The following FRMPD4 variants were observed in gnomAD, a reference collection of about 807,000 sequenced individuals.
FRMPD4 encodes the protein FERM and PDZ domain-containing protein 4.
Under a neutral mutation model 94.1 loss-of-function variants are expected in FRMPD4, and 22 were observed. The ratio of observed to expected loss-of-function variants is 0.23; its 90% confidence interval spans 0.17 to 0.33. FRMPD4 has a LOEUF of 0.33. Among genes scored for constraint, FRMPD4 ranks in the 10% least tolerant of loss-of-function variants. The probability of loss-of-function intolerance (pLI) is 1.00; values close to 1 mark genes in which losing one functional copy is unlikely to be tolerated. For missense variants in FRMPD4, 1,111 were observed against 1,339.9 expected, an observed-to-expected ratio of 0.83 and a Z score of 2.67; for synonymous variants, 631 against 548.6, an observed-to-expected ratio of 1.15 and a Z score of -2.10.
chrX:11,896,843 C>G (rs763064984), intron 3 of FRMPD4, among the ~76,000 whole-genome samples: 1 of 111,254 alleles, frequency 9.0e-6, no homozygotes, highest in African/African-American at 3.3e-5. Flanking sequence ...GTCCACGAAT[C>G]CCCTGGACAT....
chrX:12,325,394 A>G (rs2055270901), intron 1 of FRMPD4, among the ~76,000 whole-genome samples: 1 of 112,678 alleles, frequency 8.9e-6, no homozygotes, highest in African/African-American at 3.2e-5. Flanking sequence ...ATCCAACTGC[A>G]TTATTCAAAT....
At chrX:11,993,578 AAAAC>A (rs2054477697) in intron 3 of FRMPD4, among the ~76,000 whole-genome samples, 1 of 112,228 alleles carries the variant, frequency 8.9e-6, no homozygotes, top group Non-Finnish European at 1.9e-5. Context: ...TACAAAAACA[AAAAC>A]AAAAACAGAA....
chrX:11,898,004 C>T (rs1363997170), intron 3 of FRMPD4, among the ~76,000 whole-genome samples: 1 of 111,301 alleles, frequency 9.0e-6, no homozygotes, highest in Non-Finnish European at 1.9e-5. Flanking sequence ...AGAGGTTTAG[C>T]CCATGCAGAT....
intron 2 of FRMPD4, among the ~76,000 whole-genome samples, chrX:12,499,914 T>C (rs866599838): frequency 3.3e-4 from 37 of 111,981 alleles, no homozygotes; most frequent in African/African-American, 1.2e-3. Context: ...CTGAAACATA[T>C]GGAATTGTTG....
intron 8 of FRMPD4, among the ~76,000 whole-genome samples, chrX:12,692,881 G>C (rs1418629358): frequency 8.9e-6 from 1 of 112,013 alleles, no homozygotes; most frequent in Non-Finnish European, 1.9e-5. Flanking sequence ...AGGCTGGCCA[G>C]CACTAGTGGC....
At chrX:12,298,753 A>G (rs1220269738) in intron 1 of FRMPD4, among the ~76,000 whole-genome samples, 1 of 112,426 alleles carries the variant, frequency 8.9e-6, no homozygotes, top group Non-Finnish European at 1.9e-5. Context: ...GGCAGGGGTT[A>G]GTGTAAAATT....
intron 1 of FRMPD4, among the ~76,000 whole-genome samples, chrX:12,213,875 A>C (rs1341326972): frequency 3.6e-5 from 4 of 112,182 alleles, no homozygotes; most frequent in African/African-American, 9.7e-5. Context: ...TTTATTCTTA[A>C]AATTCTGTCT....
At chrX:12,505,145 C>G (rs1343588767) in intron 2 of FRMPD4, among the ~76,000 whole-genome samples, 2 of 112,027 alleles carry the variant, frequency 1.8e-5, no homozygotes, top group African/African-American at 6.5e-5. Context: ...CCTGGAGGAC[C>G]AGGTTTCCAT....
At chrX:12,153,730 A>G (rs2055895437) in intron 1 of FRMPD4, among the ~76,000 whole-genome samples, 1 of 112,621 alleles carries the variant, frequency 8.9e-6, no homozygotes, top group Non-Finnish European at 1.9e-5. Flanking sequence ...CTGGCCTACA[A>G]GTCATTTCAG....
At chrX:12,520,125 G>A (rs2058145598) in intron 2 of FRMPD4, among the ~76,000 whole-genome samples, 3 of 112,253 alleles carry the variant, frequency 2.7e-5, no homozygotes, top group African/African-American at 9.7e-5. Context: ...ATTCACAATA[G>A]CCAAGAGGTA....
chrX:11,907,715 A>T (rs1018776363), intron 3 of FRMPD4, among the ~76,000 whole-genome samples: 6 of 112,124 alleles, frequency 5.4e-5, no homozygotes, highest in Non-Finnish European at 1.1e-4. Context: ...TGATCACAAC[A>T]TATGAATACT....
At chrX:12,620,991 T>C (rs148680271) in intron 4 of FRMPD4, among the ~76,000 whole-genome samples, 2,258 of 110,717 alleles carry the variant, frequency 0.02, 73 homozygotes, top group African/African-American at 0.071. Context: ...GAGGCCGAGG[T>C]GGGTGGATCA....
rs2055857257 is a variant in FRMPD4 at position 12,354,111 on chromosome X, T to TAACCTAGTA, written c.42-144568_42-144560dup. On this transcript the variant is annotated intron_variant, in intron 1 of 16. Transcript: ENST00000675598. Reference sequence around the variant, plus strand: ...TTCTATCTCAAACCTGCTTAAAACATAACCTAGTACAAATTTACTAGCATC... The same window carrying TAACCTAGTA: ...TTCTATCTCAAACCTGCTTAAAACATAACCTAGTAAACCTAGTACAAATTTACTAGCATC... Among the ~76,000 whole-genome samples the TAACCTAGTA allele has an allele frequency of 2.7e-5, 3 of 112,283 alleles. No individual in the cohort carries two copies. In the Admixed American group the frequency reaches 2.8e-4, roughly 11 times the overall value.
chrX:12,099,128 A>C (rs1347462048), intron 3 of FRMPD4, among the ~76,000 whole-genome samples: 1 of 105,080 alleles, frequency 9.5e-6, no homozygotes, highest in African/African-American at 3.4e-5. Flanking sequence ...CTAGATGACG[A>C]GTTAGTGGGT....
upstream of FRMPD4, among the ~76,000 whole-genome samples, chrX:12,136,870 C>A (rs1473480080): frequency 1.9e-5 from 2 of 102,926 alleles, no homozygotes; most frequent in African/African-American, 7.1e-5. Context: ...AGACAAGTAG[C>A]CTTATGTGAT....
intron 1 of FRMPD4, among the ~76,000 whole-genome samples, chrX:12,462,498 C>A (rs1429799746): frequency 9.0e-6 from 1 of 111,727 alleles, no homozygotes; most frequent in East Asian, 2.8e-4. Flanking sequence ...ATTAGTAACT[C>A]ATCATTACCA....
chrX:12,446,559 A>T (rs2057197216), intron 1 of FRMPD4, among the ~76,000 whole-genome samples: 1 of 111,307 alleles, frequency 9.0e-6, no homozygotes, highest in Non-Finnish European at 1.9e-5. Flanking sequence ...GAGATAATGG[A>T]ATCATGGGGG....
intron 1 of FRMPD4, among the ~76,000 whole-genome samples, chrX:12,394,545 T>C (rs1055518357): frequency 4.5e-5 from 5 of 111,619 alleles, no homozygotes; most frequent in African/African-American, 6.5e-5. Flanking sequence ...TGAAGAATTA[T>C]GCTGCAGACA....
At chrX:11,834,003 G>T (rs759827021) in intron 1 of FRMPD4, among the ~76,000 whole-genome samples, 1 of 111,755 alleles carries the variant, frequency 8.9e-6, no homozygotes, top group African/African-American at 3.2e-5. Context: ...CATGCATCTT[G>T]AGTAAGAAAT....
Sources: allele counts gnomAD v4.1 joint callset (sites outside exome capture counted in the v4.1 genomes callset), GRCh38; gene constraint gnomAD v4.1.1; transcripts MANE v1.5; gene names NCBI Gene and HGNC (gene_info 2026-07-23, HGNC 2026-07-21).